ADGRL2: variants seen among roughly 807,000 people sequenced by gnomAD.
ADGRL2 encodes calcium-independent alpha-latrotoxin receptor 2.
A neutral mutation model predicts 157.4 loss-of-function variants in ADGRL2; 44 were observed. That is an observed-to-expected ratio of 0.28 (90% CI 0.22 to 0.36). The LOEUF is 0.36. Ranked by LOEUF, ADGRL2 falls within the 10% of genes least tolerant of loss-of-function variation. The pLI, the probability that ADGRL2 is intolerant of heterozygous loss-of-function variation, is 1.00. For missense variants in ADGRL2, 1,510 were observed against 1,768.9 expected, an observed-to-expected ratio of 0.85 and a Z score of 2.63; for synonymous variants, 585 against 624.7, an observed-to-expected ratio of 0.94 and a Z score of 0.95.
intron 2 of ADGRL2, among the ~76,000 whole-genome samples, chr1:81,449,563 A>G (rs2077667690): frequency 6.6e-6 from 1 of 152,168 alleles, no homozygotes; most frequent in South Asian, 2.1e-4. Flanking sequence ...AGAGAGAACT[A>G]CAATTACAAC....
rs376934679 is a variant in ADGRL2 at position 81,629,244 on chromosome 1, G to A, written c.-143+48264G>A. Among the ~76,000 whole-genome samples the A allele has an allele frequency of 2.0e-5, 3 of 152,172 alleles. No homozygotes were observed. The East Asian group carries it at 5.8e-4, about 29-fold the overall frequency. On this transcript the variant is annotated intron_variant, in intron 3 of 24. Transcript: ENST00000370721. ...AGGTTGAATCCTAACAGCCTTCAAA[G>A]AGGAAGATGATAATACCATGCATAT...
intron 2 of ADGRL2, among the ~76,000 whole-genome samples, chr1:81,542,876 C>T (rs1486373828): frequency 6.6e-6 from 1 of 152,152 alleles, no homozygotes; most frequent in Non-Finnish European, 1.5e-5. Flanking sequence ...AGTCCCCTAT[C>T]TCAACATTTC....
At chr1:81,754,156 C>T (rs2085584785) in intron 1 of ADGRL2, among the ~76,000 whole-genome samples, 1 of 151,224 alleles carries the variant, frequency 6.6e-6, no homozygotes, top group East Asian at 2.0e-4. Context: ...TAGACTCCTT[C>T]CCTCCCTTCC....
At chr1:81,755,255 G>A (rs912235127) in intron 1 of ADGRL2, among the ~76,000 whole-genome samples, 1 of 149,332 alleles carries the variant, frequency 6.7e-6, no homozygotes, top group Admixed American at 6.7e-5. Flanking sequence ...GGTGATAATT[G>A]TAGTATTTGT....
intron 2 of ADGRL2, among the ~76,000 whole-genome samples, chr1:81,883,968 G>A (rs1225069650): frequency 1.4e-5 from 2 of 147,044 alleles, no homozygotes; most frequent in African/African-American, 5.0e-5. Context: ...AAGAATAAAT[G>A]TTTCTTTGTT....
At chr1:81,894,451 G>T (rs967205382) in intron 2 of ADGRL2, among the ~76,000 whole-genome samples, 1 of 151,898 alleles carries the variant, frequency 6.6e-6, no homozygotes, top group Non-Finnish European at 1.5e-5. Context: ...TGTTTCTTTT[G>T]TGTGTATCAT....
At chr1:81,915,852 A>T (rs908727001) in intron 3 of ADGRL2, among the ~76,000 whole-genome samples, 1 of 152,146 alleles carries the variant, frequency 6.6e-6, no homozygotes, top group African/African-American at 2.4e-5. Context: ...GATCATAATG[A>T]TCTTTTTATA....
chr1:81,467,991 T>TATTGG (rs1308945201), intron 2 of ADGRL2, among the ~76,000 whole-genome samples: 5 of 152,210 alleles, frequency 3.3e-5, no homozygotes, highest in African/African-American at 1.2e-4. Context: ...AGACAATGGA[T>TATTGG]ATATTCAGTT....
At chr1:81,624,353 G>A (rs1189659493) in intron 3 of ADGRL2, among the ~76,000 whole-genome samples, 2 of 152,058 alleles carry the variant, frequency 1.3e-5, no homozygotes, top group African/African-American at 2.4e-5. Context: ...GGCCGAGGCA[G>A]GCAGATCACT....
chr1:81,356,908 G>C (rs867469080), intron 1 of ADGRL2, among the ~76,000 whole-genome samples: 2 of 125,760 alleles, frequency 1.6e-5, no homozygotes, highest in Non-Finnish European at 3.1e-5. Context: ...AGCAGAGATC[G>C]CGCCACTGCA....
At chr1:81,380,108 C>T (rs1384537058) in intron 1 of ADGRL2, among the ~76,000 whole-genome samples, 6 of 152,204 alleles carry the variant, frequency 3.9e-5, no homozygotes, top group Non-Finnish European at 8.8e-5. Context: ...GGCTTCTTTT[C>T]CCCTCCTTCT....
intron 1 of ADGRL2, among the ~76,000 whole-genome samples, chr1:81,323,398 C>T (rs1317559952): frequency 6.9e-6 from 1 of 145,128 alleles, no homozygotes; most frequent in Non-Finnish European, 1.5e-5. Context: ...AGCCATTGTA[C>T]TAGACTAATT....
chr1:81,976,931 T>A, intron 17 of ADGRL2, among the ~76,000 whole-genome samples: 1 of 152,062 alleles, frequency 6.6e-6, no homozygotes, highest in African/African-American at 2.4e-5. Context: ...AATTCATTCA[T>A]CTCTGAGTGA....
At chr1:81,307,884 G>A (rs1659460884) in intron 1 of ADGRL2, among the ~76,000 whole-genome samples, 1 of 151,878 alleles carries the variant, frequency 6.6e-6, no homozygotes, top group South Asian at 2.1e-4. Context: ...TACAGTACAA[G>A]GCATGAAGCC....
intron 1 of ADGRL2, among the ~76,000 whole-genome samples, chr1:81,748,228 C>T (rs1225180593): frequency 6.6e-6 from 1 of 151,600 alleles, no homozygotes; most frequent in African/African-American, 2.4e-5. Context: ...CCTGTAATCC[C>T]AGCATTTTAG....
intron 1 of ADGRL2, among the ~76,000 whole-genome samples, chr1:81,372,688 T>C (rs962003131): frequency 6.6e-6 from 1 of 152,228 alleles, no homozygotes; most frequent in Admixed American, 6.5e-5. Flanking sequence ...AATAATTGAC[T>C]TTGTCATCTG....
intron 1 of ADGRL2, among the ~76,000 whole-genome samples, chr1:81,828,948 G>A (rs1216878201): frequency 1.3e-5 from 2 of 148,962 alleles, no homozygotes; most frequent in African/African-American, 5.0e-5. Context: ...TCTTGCTCTT[G>A]TTGCCTGGGC....
chr1:81,463,408 A>G (rs891504205), intron 2 of ADGRL2, among the ~76,000 whole-genome samples: 1 of 152,058 alleles, frequency 6.6e-6, no homozygotes, highest in African/African-American at 2.4e-5. Flanking sequence ...GTAAATATAA[A>G]TCCTCCTTGC....
At chr1:81,386,293 AT>A (rs994950927) in intron 1 of ADGRL2, among the ~76,000 whole-genome samples, 1 of 152,090 alleles carries the variant, frequency 6.6e-6, no homozygotes, top group African/African-American at 2.4e-5. Context: ...AGAGTAGTTG[AT>A]TTGGCCTTGG....
Sources: gnomAD v4.1 joint callset for allele counts (sites outside exome capture counted in the v4.1 genomes callset) on GRCh38, gnomAD v4.1.1 for gene constraint, MANE v1.5 for transcripts, NCBI Gene and HGNC (gene_info 2026-07-23, HGNC 2026-07-21) for gene names.